CHTF18: variants seen among roughly 807,000 people sequenced by gnomAD.
CHTF18 encodes chromosome transmission fidelity protein 18 homolog.
In CHTF18, 151 loss-of-function variants were observed where a neutral mutation model predicts 113.4. The ratio of observed to expected loss-of-function variants is 1.33; its 90% confidence interval spans 1.17 to 1.52. The LOEUF (loss-of-function observed/expected upper bound fraction) is 1.52. Ranked by LOEUF, CHTF18 falls within the 40% of genes most tolerant of loss-of-function variation. The pLI is 0.00. For missense variants in CHTF18, 1,982 were observed against 1,381.6 expected (o/e 1.43, Z -6.89); for synonymous variants, 916 against 598.8 (o/e 1.53, Z -7.74).
In CHTF18 at chr16:790,040, C is replaced by T. The variant is rs149084316; in HGVS notation, c.607-137C>T. On this transcript the variant is annotated intron_variant, in intron 4 of 21. Coordinates refer to ENST00000262315, the MANE Select transcript of CHTF18 (RefSeq NM_022092.3). ...TCTGGATGGCTTCATTCCTTTGGCA[C>T]CCCTGTCCAGTCTCCCACCCCTCAC... is the stretch of plus-strand genomic sequence containing the variant. 410 of 1,536,018 alleles carry T rather than the reference C, an allele frequency of 2.7e-4. 1 individual carries two copies. The African/African-American group carries it at 4.6e-3, about 17-fold the overall frequency.
chr16:789,646 C>T lies in CHTF18; in HGVS notation c.537C>T (p.His179=), dbSNP rs78038349. 3.1e-3 allele frequency: 4,916 copies of T among 1,606,718 alleles called. 83 individuals are homozygous for T. In the African/African-American group the frequency reaches 0.041, roughly 13 times the overall value. ...CCCCCATCTTGGAGGACTACGTCCA[C>T]GTGACATCCACGGAGGGCGTCCGGG... ...RRPPILEDYV[H]VTSTEGVRAY... The change falls in exon 4 of 22, where the codon CAC becomes CAT. Residue 179 remains histidine, a synonymous_variant. Transcript: ENST00000262315.
Position 791,199 on chromosome 16 carries a change from G to A in CHTF18, c.933G>A (p.Trp311Ter). 2 of 1,611,664 alleles carry A rather than the reference G, an allele frequency of 1.2e-6. No homozygotes were observed. Among genetic ancestry groups the A allele is most frequent in the Non-Finnish European group, 8.5e-7 (1 of 1,179,540 alleles). ...GCCTGCTCAAGTGGCTGAAGTTGTG[G>A]GACCTGGTGGTGTTTGGCCACGAGA... is the stretch of plus-strand genomic sequence containing the variant. ...NRCLLKWLKL[W>*]DLVVFGHERP... Residue 311 changes from tryptophan (W) to a stop codon, truncating the protein, a stop_gained, in exon 8 of 22, where the codon TGG becomes TGA. Transcript: ENST00000262315. LOFTEE classifies it high-confidence loss of function.
intron 15 of CHTF18, chr16:794,751 G>A: frequency 3.7e-6 from 1 of 270,150 alleles, no homozygotes; most frequent in Non-Finnish European, 7.1e-6. Context: ...GGGTGGGGAC[G>A]CCACGGCCTG....
intron 5 of CHTF18, 37 bp downstream of exon 5, chr16:790,306 G>A (rs540964444): frequency 1.9e-6 from 3 of 1,610,070 alleles, no homozygotes; most frequent in East Asian, 2.2e-5. Context: ...CGGTGGCGGG[G>A]CCGCCTGAGC....
At position 788,704 on chromosome 16, in the gene CHTF18, A is replaced by C. The variant is rs756390061; in HGVS notation, c.20A>C (p.Glu7Ala). 28 of 1,599,034 alleles carry C rather than the reference A, an allele frequency of 1.8e-5. No homozygotes were observed. The highest frequency in any genetic ancestry group is 6.9e-5 in the East Asian group (3 of 43,460). The change falls in exon 1 of 22, where the codon GAG becomes GCG. Residue 7 changes from glutamate (E) to alanine (A), a missense_variant. Glu to Ala is a moderately radical substitution (Grantham distance 107, BLOSUM62 -1). Transcript: ENST00000262315. MEDYEQ[E>A]LCGVEDDFHN... ...GACGGTATGGAGGACTACGAGCAGG[A>C]GCTGTGCGGCGTCGAGGATGATTTC... is the stretch of plus-strand genomic sequence containing the variant.
rs746510810 is a variant in CHTF18 at position 791,281 on chromosome 16, A to C, written c.1015A>C (p.Thr339Pro). The change falls in exon 8 of 22, where the codon ACA becomes CCA. Residue 339 changes from threonine to proline, a missense_variant. Physicochemically the swap from Thr to Pro is conservative, Grantham distance 38 (BLOSUM62 -1). Coordinates refer to ENST00000262315, the MANE Select transcript of CHTF18 (RefSeq NM_022092.3). The part of the protein sequence containing the change: ...VEPARVSKEA[T>P]APGKWKSHEQ... ...GCCGGCCCGGGTCAGCAAGGAGGCC[A>C]CAGCCCCAGGCAAGTGGAAGAGCCA... is the stretch of plus-strand genomic sequence containing the variant. 3.7e-6 allele frequency: 6 copies of C among 1,610,908 alleles called. No individual in the cohort carries two copies. In the South Asian group the frequency reaches 6.6e-5, roughly 18 times the overall value.
chr16:793,490 C>G (rs1232664048), intron 14 of CHTF18, among the ~76,000 whole-genome samples: 1 of 152,164 alleles, frequency 6.6e-6, no homozygotes, highest in East Asian at 1.9e-4. Flanking sequence ...TCCAGGGCCC[C>G]CTGTGGGAAG....
chr16:793,319 G>A (rs2151646109), intron 14 of CHTF18, 45 bp downstream of exon 14: 1 of 1,594,972 alleles, frequency 6.3e-7, no homozygotes, highest in South Asian at 1.1e-5. Context: ...ACGGTGCCCG[G>A]ACCTCAGGAC....
chr16:790,740 T>A, intron 7 of CHTF18, 74 bp downstream of exon 7: 4 of 1,456,950 alleles, frequency 2.7e-6, no homozygotes, highest in Non-Finnish European at 3.6e-6. Flanking sequence ...GCCCAGTGAT[T>A]TTTGCACAGC....
chr16:792,034 G>A, intron 9 of CHTF18, 86 bp downstream of exon 9: 1 of 1,549,294 alleles, frequency 6.5e-7, no homozygotes, highest in Non-Finnish European at 8.7e-7. Flanking sequence ...GGGTGTGGAT[G>A]TTCCCGTCTT....
At position 792,519 on chromosome 16, in the gene CHTF18, G is replaced by C; in HGVS notation, c.1407G>C (p.Ser469=). ...GGCCACAGGGCCCGGCTGTGCCTTC[G>C]GGAGGCGGCCGACGGCGCCGGGCAG... The part of the protein sequence containing the change: ...EVGPQGPAVP[S]GGGRRRRAEG... The change falls in exon 11 of 22, where the codon TCG becomes TCC. Residue 469 remains serine (S), a synonymous_variant. Transcript: ENST00000262315. The C allele has an allele frequency of 6.3e-7, 1 of 1,592,562 alleles. No homozygotes were observed. Among genetic ancestry groups the C allele is most frequent in the East Asian group, 2.2e-5 (1 of 44,530 alleles).
At position 790,684 on chromosome 16, in the gene CHTF18, C is replaced by T. The variant is rs367695694; in HGVS notation, c.894+18C>T. 9.0e-4 allele frequency: 1,371 copies of T among 1,519,082 alleles called. 8 individuals are homozygous for T. The highest frequency in any genetic ancestry group is 1.6e-3 in the South Asian group (121 of 76,436). The allele number at this position is 1,519,082 out of a possible 1,614,324, so 94.1% of individuals were successfully genotyped here. Reference sequence around the variant, plus strand: ...GTGATGACGTGAGGTCTTGTTCTCACTCAAGTGTGGCTGGCTTCCTCTGTT... The same window carrying T: ...GTGATGACGTGAGGTCTTGTTCTCATTCAAGTGTGGCTGGCTTCCTCTGTT... On this transcript the variant is annotated intron_variant, in intron 7 of 21. Transcript: ENST00000262315.
chr16:795,120 G>A lies in CHTF18; in HGVS notation c.1951-12G>A, dbSNP rs1262329243. On this transcript the variant is annotated splice_polypyrimidine_tract_variant and intron_variant, in intron 15 of 21. Transcript: ENST00000262315. ...GGTGGGCAGGAGCTCAGGGGTTGCC[G>A]GCCGCCTGCAGGGCTTGTTTGACAA... is the stretch of plus-strand genomic sequence containing the variant. The A allele has an allele frequency of 1.3e-6, 2 of 1,537,302 alleles. No individual in the cohort carries two copies. The highest frequency in any genetic ancestry group is 2.2e-4 in the Middle Eastern group (1 of 4,468).
rs371408062 is a variant in CHTF18 at position 790,391 on chromosome 16, C to G, written c.744C>G (p.Thr248=). The change falls in exon 6 of 22, where the codon ACC becomes ACG. Residue 248 remains threonine, a synonymous_variant. Coordinates refer to ENST00000262315, the MANE Select transcript of CHTF18 (RefSeq NM_022092.3). Reference sequence around the variant, plus strand: ...AGGAGGCCCAGAAGCTTTCAGACACCCTGCACAGGTGACTTGGTTGGCCCT... The same window carrying G: ...AGGAGGCCCAGAAGCTTTCAGACACGCTGCACAGGTGACTTGGTTGGCCCT... ...LLQEAQKLSD[T]LHSLRSGEEE... The G allele has an allele frequency of 2.5e-6, 4 of 1,612,384 alleles. No homozygotes were observed. The African/African-American group carries it at 5.3e-5, about 21-fold the overall frequency.
chr16:795,702 C>T lies in CHTF18; in HGVS notation c.2193C>T (p.Ser731=). Residue 731 remains serine (S), a synonymous_variant, in exon 17 of 22, where the codon AGC becomes AGT. Transcript: ENST00000262315. The stretch of plus-strand genomic sequence containing the variant: ...TGCCCCAGGCCCAGAACCGGATGAG[C>T]CAGATGAGGAACCTGATCCAGACGC... The part of the protein sequence containing the change: ...SSQQEAQNRM[S]QMRNLIQTLV... The T allele has an allele frequency of 1.9e-6, 3 of 1,602,018 alleles. 1 individual carries two copies. Among genetic ancestry groups the T allele is most frequent in the South Asian group, 2.2e-5 (2 of 90,336 alleles).
At chr16:797,620 C>T (rs902677171) in intron 20 of CHTF18, 74 bp from the exon 21 acceptor site, 27 of 1,531,708 alleles carry the variant, frequency 1.8e-5, no homozygotes, top group East Asian at 6.8e-5. Flanking sequence ...GGAAGGCTCT[C>T]GGTCCTCCTG....
rs759098455 is a variant in CHTF18 at position 789,705 on chromosome 16, C to T, written c.596C>T (p.Pro199Leu). 43 of 1,589,874 alleles carry T rather than the reference C, an allele frequency of 2.7e-5. No individual in the cohort carries two copies. Among genetic ancestry groups the T allele is most frequent in the East Asian group, 4.5e-5 (2 of 44,722 alleles). Residue 199 changes from proline to leucine, a missense_variant, in exon 4 of 22, where the codon CCG (proline) becomes CTG (leucine). By Grantham distance (98) the Pro-to-Leu change is moderately conservative. Coordinates refer to ENST00000262315, the MANE Select transcript of CHTF18 (RefSeq NM_022092.3). ...YLVLRADPMA[P>L]GVQGSLLHVP... The stretch of plus-strand genomic sequence containing the variant: ...GTGCTGCGTGCTGACCCCATGGCCC[C>T]GGGGGTGCAGGTGCGTGGCTGTGGC...
Position 792,774 on chromosome 16 carries a change from C to G in CHTF18, c.1535C>G (p.Pro512Arg). 6.5e-7 allele frequency: 1 copy of G among 1,546,936 alleles called. No homozygotes were observed. The highest frequency in any genetic ancestry group is 1.4e-5 in the African/African-American group (1 of 73,312). The change falls in exon 12 of 22, where the codon CCG becomes CGG. Residue 512 changes from proline to arginine, a missense_variant. Coordinates refer to ENST00000262315, the MANE Select transcript of CHTF18 (RefSeq NM_022092.3). ...KQQAFLLHFPPTLPSRLVQRL... is the reference protein window; with the variant it reads ...KQQAFLLHFPRTLPSRLVQRL... ...CAGGCCTTCCTGCTCCACTTCCCGC[C>G]GACTCTGCCCTCGAGGCTGGTGCAG...
intron 15 of CHTF18, 53 bp downstream of exon 15, chr16:794,254 G>T: frequency 6.3e-7 from 1 of 1,581,950 alleles, no homozygotes; most frequent in Non-Finnish European, 8.6e-7. Flanking sequence ...TAGGACCTGG[G>T]CTGTGCCCCT....
Sources: allele counts gnomAD v4.1 joint callset (sites outside exome capture counted in the v4.1 genomes callset), GRCh38; gene constraint gnomAD v4.1.1; transcripts MANE v1.5; gene names NCBI Gene and HGNC (gene_info 2026-07-23, HGNC 2026-07-21).